Variants in ADORA2B observed in about 807,000 individuals in gnomAD.
The protein encoded by ADORA2B is adenosine receptor A2b.
A neutral mutation model predicts 20.8 loss-of-function variants in ADORA2B; 18 were observed. The observed-to-expected ratio is 0.87, with a 90% CI of 0.60 to 1.29. The LOEUF is 1.29. ADORA2B is among the 50% of genes most tolerant of loss of function. The pLI is 0.00. For missense variants in ADORA2B, 441 were observed against 422.7 expected (o/e 1.04, Z -0.38); for synonymous variants, 179 against 178.3 (o/e 1.00, Z -0.03).
the ADORA2B span, among the ~76,000 whole-genome samples, chr17:15,904,133 AAAAAATTAT>A: frequency 0.045 from 6,830 of 152,088 alleles, 375 homozygotes; most frequent in African/African-American, 0.13. Context: ...TTTAACTTTT[AAAAAATTAT>A]TTATTATTTA....
chr17:15,881,584 G>A, the ADORA2B span, among the ~76,000 whole-genome samples: 2 of 152,174 alleles, frequency 1.3e-5, no homozygotes, highest in Admixed American at 6.5e-5. Context: ...TGGGGAGGGA[G>A]CTTCCTATTC....
the ADORA2B span, among the ~76,000 whole-genome samples, chr17:15,880,381 C>A: frequency 7.3e-6 from 1 of 136,138 alleles, no homozygotes; most frequent in Non-Finnish European, 1.6e-5. Context: ...TTACTGTTTC[C>A]ATCTATGTTT....
the ADORA2B span, among the ~76,000 whole-genome samples, chr17:15,886,753 A>C: frequency 1.5e-5 from 2 of 130,788 alleles, 1 homozygote; most frequent in Non-Finnish European, 3.2e-5. Flanking sequence ...AGAGGCCTGG[A>C]GTGTGGTCCT....
chr17:15,888,371 G>A, the ADORA2B span, among the ~76,000 whole-genome samples: 2 of 128,634 alleles, frequency 1.6e-5, 1 homozygote, highest in Non-Finnish European at 3.3e-5. Flanking sequence ...TATATACTTG[G>A]CCAGTGTGAA....
At chr17:15,861,511 G>T in the ADORA2B span, among the ~76,000 whole-genome samples, 8 of 152,336 alleles carry the variant, frequency 5.3e-5, no homozygotes, top group Admixed American at 6.5e-5. Flanking sequence ...CACCAAGTTT[G>T]TGGGATTTTA....
the ADORA2B span, among the ~76,000 whole-genome samples, chr17:15,865,528 C>G: frequency 4.6e-5 from 7 of 151,964 alleles, no homozygotes; most frequent in Non-Finnish European, 1.0e-4. Flanking sequence ...TCCCAAAGTC[C>G]TGGGATTACA....
chr17:15,953,983 AT>A lies in ADORA2B; in HGVS notation c.335+8413del, dbSNP rs111364778. 2.0e-3 allele frequency among the ~76,000 whole-genome samples: 287 copies of A among 145,036 alleles called. 1 individual carries two copies. The highest frequency in any genetic ancestry group is 7.1e-3 in the Middle Eastern group (2 of 282). ...TGCTGTTAAGGTTTATACCATTTACATTTTTTTTTTTTTGAGACAGAGTCTC... is the reference window on the plus strand; with the variant it reads ...TGCTGTTAAGGTTTATACCATTTACATTTTTTTTTTTTGAGACAGAGTCTC... On this transcript the variant is annotated intron_variant, in intron 1 of 1. Transcript: ENST00000304222.
At position 15,974,665 on chromosome 17, in the gene ADORA2B, A is replaced by G. The variant is rs767586572; in HGVS notation, c.336-14A>G. 9.0e-5 allele frequency: 144 copies of G among 1,605,920 alleles called. No individual in the cohort carries two copies. The highest frequency in any genetic ancestry group is 1.3e-4 in the South Asian group (12 of 90,434). On this transcript the variant is annotated splice_polypyrimidine_tract_variant and intron_variant, in intron 1 of 1. Transcript: ENST00000304222. The stretch of plus-strand genomic sequence containing the variant: ...CTATAAACTGACCGTAACAGATGGT[A>G]TTCTTTTAAACAGGTATAAAAGTTT...
chr17:15,919,530 G>A, the ADORA2B span, among the ~76,000 whole-genome samples: 4 of 152,224 alleles, frequency 2.6e-5, no homozygotes, highest in African/African-American at 9.6e-5. Flanking sequence ...TGGGGTGAAT[G>A]TCTGTTTCCC....
chr17:15,884,326 G>T, the ADORA2B span, among the ~76,000 whole-genome samples: 1 of 152,236 alleles, frequency 6.6e-6, no homozygotes, highest in Non-Finnish European at 1.5e-5. Context: ...TTAGCCACAG[G>T]TGGCTGCTGG....
the ADORA2B span, among the ~76,000 whole-genome samples, chr17:15,891,830 C>T: frequency 2.1e-4 from 31 of 145,202 alleles, no homozygotes; most frequent in Admixed American, 3.4e-4. Context: ...TACAGGCGTG[C>T]GCCACAATGC....
chr17:15,859,121 A>T, the ADORA2B span, among the ~76,000 whole-genome samples: 1 of 152,150 alleles, frequency 6.6e-6, no homozygotes, highest in Non-Finnish European at 1.5e-5. Flanking sequence ...TTGGCCAAAA[A>T]AACCATTCTT....
the ADORA2B span, among the ~76,000 whole-genome samples, chr17:15,901,072 C>T: frequency 6.6e-6 from 1 of 152,166 alleles, no homozygotes; most frequent in Non-Finnish European, 1.5e-5. Context: ...CACACACAGA[C>T]TGGGTGCTGC....
At chr17:15,958,599 G>A (rs544523650) in intron 1 of ADORA2B, among the ~76,000 whole-genome samples, 165 of 152,132 alleles carry the variant, frequency 1.1e-3, no homozygotes, top group African/African-American at 3.8e-3. Flanking sequence ...CCTCATCCCC[G>A]TCCTCTCTTT....
chr17:15,860,161 A>G, the ADORA2B span, among the ~76,000 whole-genome samples: 16 of 151,786 alleles, frequency 1.1e-4, no homozygotes, highest in Non-Finnish European at 1.9e-4. Flanking sequence ...TCTCACGTGG[A>G]CCCCCTTAGA....
chr17:15,969,577 CCT>C (rs1970163499), intron 1 of ADORA2B, among the ~76,000 whole-genome samples: 1 of 152,220 alleles, frequency 6.6e-6, no homozygotes, highest in African/African-American at 2.4e-5. Flanking sequence ...TTCCTTTAAT[CCT>C]CTCTTTCAGG....
chr17:15,871,786 A>G, the ADORA2B span, among the ~76,000 whole-genome samples: 2 of 152,192 alleles, frequency 1.3e-5, no homozygotes, highest in African/African-American at 4.8e-5. Flanking sequence ...TTGGAAGCTC[A>G]TGCCTCTGGA....
At chr17:15,901,156 A>T in the ADORA2B span, among the ~76,000 whole-genome samples, 39 of 152,140 alleles carry the variant, frequency 2.6e-4, 1 homozygote, top group Non-Finnish European at 4.7e-4. Context: ...TCTGAACTTG[A>T]TGAGCTATAC....
upstream of ADORA2B, among the ~76,000 whole-genome samples, chr17:15,943,485 C>T (rs1969762546): frequency 1.3e-5 from 2 of 152,174 alleles, no homozygotes; most frequent in African/African-American, 4.8e-5. Context: ...TGCCACCGTG[C>T]CTGGCTGATT....
Sources: gnomAD v4.1 joint callset for allele counts (sites outside exome capture counted in the v4.1 genomes callset) on GRCh38, gnomAD v4.1.1 for gene constraint, MANE v1.5 for transcripts, NCBI Gene and HGNC (gene_info 2026-07-23, HGNC 2026-07-21) for gene names.